The following CUL2 variants were observed in gnomAD, a reference collection of about 807,000 sequenced individuals.
CUL2 encodes the protein cullin 2, also known as cullin-2.
CUL2 carries 22 observed loss-of-function variants against 110.2 expected under a neutral mutation model. The ratio of observed to expected loss-of-function variants is 0.20; its 90% confidence interval spans 0.14 to 0.28. The LOEUF is 0.28. CUL2 is among the 10% of genes least tolerant of loss of function. The probability of loss-of-function intolerance (pLI) is 1.00; values close to 1 mark genes in which losing one functional copy is unlikely to be tolerated. For missense variants in CUL2, 631 were observed against 905.5 expected (o/e 0.70, Z 3.89); for synonymous variants, 279 against 293.2 (o/e 0.95, Z 0.49).
At chr10:35,039,185 AC>A (rs1376711967) in intron 8 of CUL2, 103 bp from the exon 9 acceptor site, 1 of 626,408 alleles carries the variant, frequency 1.6e-6, no homozygotes, top group Admixed American at 3.5e-5. Flanking sequence ...GCTGAATTAA[AC>A]ATGGCAAAGG....
chr10:35,036,148 C>T (rs150473531), intron 9 of CUL2, among the ~76,000 whole-genome samples: 10 of 152,336 alleles, frequency 6.6e-5, no homozygotes, highest in Non-Finnish European at 1.2e-4. Flanking sequence ...AAGGTAACCA[C>T]TGCTGTGACT....
At chr10:35,087,141 T>C (rs2087084317) in intron 1 of CUL2, among the ~76,000 whole-genome samples, 2 of 152,210 alleles carry the variant, frequency 1.3e-5, no homozygotes, top group African/African-American at 2.4e-5. Context: ...CACAGATCAC[T>C]GCCACTTCCA....
chr10:35,075,370 G>A (rs1001213429), intron 1 of CUL2, among the ~76,000 whole-genome samples: 2 of 152,036 alleles, frequency 1.3e-5, no homozygotes, highest in Non-Finnish European at 2.9e-5. Flanking sequence ...AAGAGACAGG[G>A]CAAAGAAGAA....
At chr10:35,065,536 G>A (rs181119300) in intron 2 of CUL2, among the ~76,000 whole-genome samples, 3 of 152,048 alleles carry the variant, frequency 2.0e-5, no homozygotes, top group East Asian at 1.9e-4. Context: ...GGAGAATGGC[G>A]TGAACCCGAG....
At chr10:35,119,814 C>T (rs541815591) in intron 1 of CUL2, among the ~76,000 whole-genome samples, 3 of 152,204 alleles carry the variant, frequency 2.0e-5, no homozygotes, top group Admixed American at 1.3e-4. Flanking sequence ...AAGCAGTCAT[C>T]CCACTTCGGC....
intron 5 of CUL2, among the ~76,000 whole-genome samples, chr10:35,052,809 A>G (rs1373416419): frequency 6.6e-6 from 1 of 151,438 alleles, no homozygotes; most frequent in Non-Finnish European, 1.5e-5. Flanking sequence ...GCAGGAGACT[A>G]GTGTGAACCT....
At chr10:35,044,051 C>CAAAAAAAAAAAAAAA (rs534515519) in intron 8 of CUL2, among the ~76,000 whole-genome samples, 1 of 87,796 alleles carries the variant, frequency 1.1e-5, no homozygotes. Context: ...ACCACATCTC[C>CAAAAAAAAAAAAAAA]AAAAAAAAAA....
At chr10:35,095,934 C>T (rs766071515) in intron 2 of CUL2, among the ~76,000 whole-genome samples, 2 of 152,200 alleles carry the variant, frequency 1.3e-5, no homozygotes, top group Non-Finnish European at 2.9e-5. Context: ...ACAGTTTTAA[C>T]GTTTGGAGTG....
In CUL2 at chr10:35,011,861, G is replaced by A. The variant is rs754853022; in HGVS notation, c.2093C>T (p.Ala698Val). 15 of 1,606,980 alleles carry A rather than the reference G, an allele frequency of 9.3e-6. No homozygotes were observed. Among genetic ancestry groups the A allele is most frequent in the Non-Finnish European group, 1.3e-5 (15 of 1,173,898 alleles). Reference sequence around the variant, plus strand: ...CCCTCCTTTTACCTCTTGAATAAGGGCATTGTGCCGAAGCACTTTTCGTGC... The same window carrying A: ...CCCTCCTTTTACCTCTTGAATAAGGACATTGTGCCGAAGCACTTTTCGTGC... The part of the protein sequence containing the change: ...MKARKVLRHN[A>V]LIQEVISQSR... Residue 698 changes from alanine to valine, a missense_variant, in exon 20 of 21, where the codon GCC becomes GTC. Physicochemically the swap from Ala to Val is moderately conservative, Grantham distance 64 (BLOSUM62 0). Coordinates refer to ENST00000374749, the MANE Select transcript of CUL2 (RefSeq NM_003591.4).
chr10:35,042,696 G>A (rs59418206), intron 8 of CUL2, among the ~76,000 whole-genome samples: 44,607 of 152,012 alleles, frequency 0.29, 7,127 homozygotes, highest in South Asian at 0.35. Flanking sequence ...TCCCTTATGT[G>A]TCTCCTCAAG....
chr10:35,017,144 G>A (rs2134639080), intron 17 of CUL2, among the ~76,000 whole-genome samples: 1 of 152,156 alleles, frequency 6.6e-6, no homozygotes, highest in South Asian at 2.1e-4. Context: ...GAGGTCCACA[G>A]CCACATGGAA....
At chr10:35,018,546 C>T (rs1376130473) in intron 17 of CUL2, among the ~76,000 whole-genome samples, 1 of 151,820 alleles carries the variant, frequency 6.6e-6, no homozygotes, top group Non-Finnish European at 1.5e-5. Context: ...GGTGGATCAC[C>T]TGAGGTCTGG....
chr10:35,045,372 G>C (rs547931244), intron 6 of CUL2, among the ~76,000 whole-genome samples: 1 of 152,010 alleles, frequency 6.6e-6, no homozygotes, highest in African/African-American at 2.4e-5. Flanking sequence ...GAGGATCCCT[G>C]AGTGCTGAAT....
chr10:35,081,156 T>G (rs972724880), intron 1 of CUL2, among the ~76,000 whole-genome samples: 12 of 152,010 alleles, frequency 7.9e-5, no homozygotes, highest in African/African-American at 2.7e-4. Flanking sequence ...CAAAGGAGAC[T>G]TCAAGGTTAC....
chr10:35,108,949 A>G (rs1242230998), intron 1 of CUL2, among the ~76,000 whole-genome samples: 1 of 152,188 alleles, frequency 6.6e-6, no homozygotes. Flanking sequence ...ACAGTGGATC[A>G]TGCCTGTAAT....
At chr10:35,118,004 T>G (rs369008160) in intron 1 of CUL2, among the ~76,000 whole-genome samples, 1 of 152,206 alleles carries the variant, frequency 6.6e-6, no homozygotes, top group African/African-American at 2.4e-5. Flanking sequence ...TGCACCAGCA[T>G]GTTCTACTTG....
At chr10:35,100,625 G>C (rs1042399845) in intron 2 of CUL2, among the ~76,000 whole-genome samples, 6 of 151,944 alleles carry the variant, frequency 3.9e-5, no homozygotes, top group African/African-American at 1.2e-4. Flanking sequence ...AACTGGGCAT[G>C]GTGGTGCATA....
chr10:35,041,339 G>T (rs987215991), intron 8 of CUL2, among the ~76,000 whole-genome samples: 49 of 152,124 alleles, frequency 3.2e-4, no homozygotes, highest in African/African-American at 9.9e-4. Context: ...ATGTAGAGAA[G>T]GTTGGACTGC....
In CUL2 at chr10:35,031,180, A is replaced by C; in HGVS notation, c.1386+120T>G. On this transcript the variant is annotated intron_variant, in intron 14 of 20. Coordinates refer to ENST00000374749, the MANE Select transcript of CUL2 (RefSeq NM_003591.4). The surrounding 1 kb of genome is among the most constrained non-coding windows in gnomAD (Gnocchi z 4.4). ...TTTGTATATCCCACTGTGTGACTACACAAATACACATTTAACCAGATGAAT... is the reference window on the plus strand; with the variant it reads ...TTTGTATATCCCACTGTGTGACTACCCAAATACACATTTAACCAGATGAAT... The C allele has an allele frequency of 1.6e-6, 1 of 631,894 alleles. No individual in the cohort carries two copies. Among genetic ancestry groups the C allele is most frequent in the African/African-American group, 1.8e-5 (1 of 54,918 alleles). The allele number at this position is 631,894 out of a possible 1,614,324, so 39.1% of individuals were successfully genotyped here.
Sources: gnomAD v4.1 joint callset for allele counts (sites outside exome capture counted in the v4.1 genomes callset) on GRCh38, gnomAD v4.1.1 for gene constraint, Gnocchi (gnomAD v3.1) non-coding constraint, MANE v1.5 for transcripts, NCBI Gene and HGNC (gene_info 2026-07-23, HGNC 2026-07-21) for gene names.